The following LYPLAL1 variants were observed in gnomAD, a reference collection of about 807,000 sequenced individuals.
LYPLAL1 encodes the protein lysophospholipase-like protein 1.
A neutral mutation model predicts 19.7 loss-of-function variants in LYPLAL1; 23 were observed. That is an observed-to-expected ratio of 1.17 (90% CI 0.84 to 1.65). The LOEUF is 1.65. LYPLAL1 is among the 40% of genes most tolerant of loss of function. The pLI is 0.00. For missense variants in LYPLAL1, 355 were observed against 279.4 expected, an observed-to-expected ratio of 1.27 and a Z score of -1.93; for synonymous variants, 119 against 96.3, an observed-to-expected ratio of 1.24 and a Z score of -1.38.
chr1:219,229,710 C>T, the LYPLAL1 span, among the ~76,000 whole-genome samples: 1 of 152,150 alleles, frequency 6.6e-6, no homozygotes, highest in South Asian at 2.1e-4. Context: ...GGGTCGGAGC[C>T]CCATAGCCTG....
At chr1:219,361,141 G>A in the LYPLAL1 span, among the ~76,000 whole-genome samples, 1 of 152,200 alleles carries the variant, frequency 6.6e-6, no homozygotes, top group African/African-American at 2.4e-5. Flanking sequence ...TCCTACTACA[G>A]TGGGAGACCA....
At chr1:219,273,912 C>T in the LYPLAL1 span, among the ~76,000 whole-genome samples, 2,753 of 152,176 alleles carry the variant, frequency 0.018, 77 homozygotes, top group African/African-American at 0.061. Flanking sequence ...AGGTGTGCAC[C>T]ATCACATCCG....
chr1:219,335,892 A>G, the LYPLAL1 span, among the ~76,000 whole-genome samples: 17 of 151,708 alleles, frequency 1.1e-4, no homozygotes, highest in Non-Finnish European at 1.8e-4. Flanking sequence ...AAAATATTTG[A>G]GCAGGGGCAT....
At chr1:219,438,854 A>G in the LYPLAL1 span, among the ~76,000 whole-genome samples, 2 of 152,318 alleles carry the variant, frequency 1.3e-5, no homozygotes, top group East Asian at 3.9e-4. Context: ...TCCATCAAAA[A>G]TGAAATTGTA....
intron 1 of LYPLAL1, chr1:219,175,181 C>T (rs374001643): frequency 1.2e-5 from 10 of 810,058 alleles, no homozygotes; most frequent in East Asian, 1.3e-4. Context: ...TGAGTAGTGG[C>T]GGATTTGGGA....
the LYPLAL1 span, among the ~76,000 whole-genome samples, chr1:219,391,408 A>G: frequency 6.6e-6 from 1 of 152,228 alleles, no homozygotes; most frequent in African/African-American, 2.4e-5. Flanking sequence ...CCATCTCTCA[A>G]GACATTGTCT....
chr1:219,312,257 G>A, the LYPLAL1 span, among the ~76,000 whole-genome samples: 1 of 152,146 alleles, frequency 6.6e-6, no homozygotes, highest in African/African-American at 2.4e-5. Flanking sequence ...GTCAGGGGCT[G>A]TAGAGGAATG....
At chr1:219,249,963 A>G in the LYPLAL1 span, among the ~76,000 whole-genome samples, 1 of 152,012 alleles carries the variant, frequency 6.6e-6, no homozygotes, top group Non-Finnish European at 1.5e-5. Context: ...ATAGTCTCCC[A>G]TTCTTTGCTT....
the LYPLAL1 span, among the ~76,000 whole-genome samples, chr1:219,415,388 A>G: frequency 6.6e-6 from 1 of 152,244 alleles, no homozygotes; most frequent in African/African-American, 2.4e-5. Context: ...GACTTAAAAG[A>G]ATAAATAATG....
At chr1:219,421,162 C>G in the LYPLAL1 span, among the ~76,000 whole-genome samples, 3 of 152,100 alleles carry the variant, frequency 2.0e-5, no homozygotes, top group Admixed American at 6.5e-5. Context: ...TGAGTGTAAC[C>G]TTTTAATAAT....
At chr1:219,252,159 G>C in the LYPLAL1 span, among the ~76,000 whole-genome samples, 1 of 152,006 alleles carries the variant, frequency 6.6e-6, no homozygotes, top group Admixed American at 6.6e-5. Flanking sequence ...TGCTGAAATT[G>C]CTCATCATCT....
intron 2 of LYPLAL1, among the ~76,000 whole-genome samples, chr1:219,183,813 GTTTA>G (rs756001177): frequency 6.6e-6 from 1 of 151,686 alleles, no homozygotes; most frequent in Non-Finnish European, 1.5e-5. Flanking sequence ...AACACAGTTT[GTTTA>G]TTTATCTACT....
chr1:219,235,351 A>G, the LYPLAL1 span, among the ~76,000 whole-genome samples: 1 of 152,338 alleles, frequency 6.6e-6, no homozygotes, highest in Non-Finnish European at 1.5e-5. Context: ...TCTAAAGTTA[A>G]TAACAAGGGA....
the LYPLAL1 span, among the ~76,000 whole-genome samples, chr1:219,367,782 G>T: frequency 2.0e-5 from 3 of 152,110 alleles, no homozygotes; most frequent in Non-Finnish European, 2.9e-5. Flanking sequence ...CTAACCTGAG[G>T]TAATGTTTAA....
chr1:219,354,413 C>T, the LYPLAL1 span, among the ~76,000 whole-genome samples: 1 of 152,126 alleles, frequency 6.6e-6, no homozygotes, highest in Non-Finnish European at 1.5e-5. Flanking sequence ...CCAGACTGGT[C>T]TCGAACTCCT....
At chr1:219,354,939 CAT>C in the LYPLAL1 span, among the ~76,000 whole-genome samples, 138 of 152,160 alleles carry the variant, frequency 9.1e-4, 1 homozygote, top group Middle Eastern at 6.8e-3. Flanking sequence ...GGGACTTAAA[CAT>C]AAGCAGAAAT....
At chr1:219,402,915 C>G in the LYPLAL1 span, among the ~76,000 whole-genome samples, 1 of 152,126 alleles carries the variant, frequency 6.6e-6, no homozygotes, top group East Asian at 1.9e-4. Flanking sequence ...TCCCAGGAAT[C>G]TATTTCTTTC....
the LYPLAL1 span, among the ~76,000 whole-genome samples, chr1:219,416,557 C>T: frequency 6.6e-6 from 1 of 152,116 alleles, no homozygotes; most frequent in African/African-American, 2.4e-5. Flanking sequence ...AACATATGGG[C>T]TTTTTGCAAC....
chr1:219,289,150 A>G, the LYPLAL1 span, among the ~76,000 whole-genome samples: 1 of 147,014 alleles, frequency 6.8e-6, no homozygotes, highest in Non-Finnish European at 1.5e-5. Flanking sequence ...ACTGAGATAC[A>G]TTTCTAAGGG....
Sources: gnomAD v4.1 joint callset for allele counts (sites outside exome capture counted in the v4.1 genomes callset) on GRCh38, gnomAD v4.1.1 for gene constraint, MANE v1.5 for transcripts, NCBI Gene and HGNC (gene_info 2026-07-23, HGNC 2026-07-21) for gene names.